Variants in PRIM2 observed in about 807,000 individuals in gnomAD.
The protein encoded by PRIM2 is DNA primase subunit 2, also known as DNA primase large subunit.
In PRIM2, 39 loss-of-function variants were observed where a neutral mutation model predicts 67.3. That is an observed-to-expected ratio of 0.58 (90% CI 0.45 to 0.76). The LOEUF (loss-of-function observed/expected upper bound fraction) is 0.76, where lower values mean the gene tolerates loss of function less well. Ranked by LOEUF, PRIM2 falls within the 30% of genes least tolerant of loss-of-function variation. The pLI is 0.00. For synonymous variants in PRIM2, 143 were observed against 198.7 expected, an observed-to-expected ratio of 0.72 and a Z score of 2.36; for missense variants, 398 against 598.7, an observed-to-expected ratio of 0.66 and a Z score of 3.50.
At chr6:57,412,107 C>A (rs1382393521) in intron 7 of PRIM2, among the ~76,000 whole-genome samples, 5 of 150,856 alleles carry the variant, frequency 3.3e-5, no homozygotes, top group Admixed American at 6.6e-5. Flanking sequence ...AAACACTAAG[C>A]CTTTTTGTAG....
At chr6:57,483,962 A>C (rs1773686717) in intron 7 of PRIM2, among the ~76,000 whole-genome samples, 1 of 152,232 alleles carries the variant, frequency 6.6e-6, no homozygotes, top group African/African-American at 2.4e-5. Context: ...TAAAAAAGGT[A>C]AATAAAGTGG....
intron 12 of PRIM2, among the ~76,000 whole-genome samples, chr6:57,614,572 T>C (rs1463351670): frequency 2.0e-5 from 3 of 152,160 alleles, no homozygotes; most frequent in Admixed American, 6.6e-5. Flanking sequence ...GTACGTTGGC[T>C]GGGTGTGGTG....
chr6:57,523,340 C>T (rs1774669677), intron 8 of PRIM2, among the ~76,000 whole-genome samples: 1 of 107,432 alleles, frequency 9.3e-6, no homozygotes, highest in South Asian at 2.8e-4. Flanking sequence ...TTTTGCATGA[C>T]TCTCGAATTC....
chr6:57,586,298 T>G (rs1457307167), intron 10 of PRIM2, among the ~76,000 whole-genome samples: 4 of 152,142 alleles, frequency 2.6e-5, no homozygotes, highest in Non-Finnish European at 5.9e-5. Flanking sequence ...GACCAAAGAA[T>G]AAACATTTCG....
rs1216332721 is a variant in PRIM2 at position 57,507,331 on chromosome 6, A to C, written c.694-56A>C. 6 of 1,250,422 alleles carry C rather than the reference A, an allele frequency of 4.8e-6. No homozygotes were observed. In the Admixed American group the frequency reaches 1.3e-4, roughly 28 times the overall value. 77.5% of individuals were successfully genotyped at this position (1,250,422 alleles called of 1,614,324 possible). ...CAGCTCGTTTTACATTTAGTATTCA[A>C]ATATGTTCGGTGTTCGGCCTTTGCT... is the stretch of plus-strand genomic sequence containing the variant. On this transcript the variant is annotated intron_variant, in intron 7 of 13. Coordinates refer to ENST00000615550, the MANE Select transcript of PRIM2 (RefSeq NM_000947.5).
chr6:57,529,947 G>T lies in PRIM2; in HGVS notation c.762-2464G>T, dbSNP rs1462367013. ...GGGACTCTCTGAAGAGTCTTGAGGT[G>T]GTGTAGGGTATCACATGGCGAGGGG... On this transcript the variant is annotated intron_variant, in intron 8 of 13. Coordinates refer to ENST00000615550, the MANE Select transcript of PRIM2 (RefSeq NM_000947.5). 5.7e-4 allele frequency among the ~76,000 whole-genome samples: 86 copies of T among 152,064 alleles called. 1 individual carries two copies. The highest frequency in any genetic ancestry group is 1.9e-3 in the African/African-American group (80 of 41,446).
intron 5 of PRIM2, among the ~76,000 whole-genome samples, chr6:57,347,681 T>C (rs1768724069): frequency 1.3e-5 from 2 of 152,246 alleles, no homozygotes; most frequent in African/African-American, 4.8e-5. Context: ...AGGCCTTAAG[T>C]GATCCTTGCA....
intron 7 of PRIM2, among the ~76,000 whole-genome samples, chr6:57,470,332 T>G (rs1178131091): frequency 2.0e-5 from 3 of 147,662 alleles, no homozygotes; most frequent in African/African-American, 7.5e-5. Flanking sequence ...GCTCTTCATT[T>G]AAATTCCACC....
chr6:57,614,661 T>C (rs1393893306), intron 12 of PRIM2, among the ~76,000 whole-genome samples: 1 of 152,152 alleles, frequency 6.6e-6, no homozygotes, highest in East Asian at 1.9e-4. Flanking sequence ...CCATCCTGGC[T>C]AACACGATGA....
intron 7 of PRIM2, among the ~76,000 whole-genome samples, chr6:57,405,112 A>C (rs1770839887): frequency 6.6e-6 from 1 of 151,726 alleles, no homozygotes. Flanking sequence ...AAGTATCAGC[A>C]GATTCAGTTG....
At chr6:57,321,234 C>A (rs1359387739) in intron 3 of PRIM2, among the ~76,000 whole-genome samples, 1 of 151,960 alleles carries the variant, frequency 6.6e-6, no homozygotes, top group Admixed American at 6.6e-5. Flanking sequence ...TAAATGACAC[C>A]CAGGTTTCTA....
chr6:57,355,233 G>T (rs1768991624), intron 5 of PRIM2, among the ~76,000 whole-genome samples: 1 of 151,782 alleles, frequency 6.6e-6, no homozygotes, highest in Non-Finnish European at 1.5e-5. Flanking sequence ...GAACTCGAGA[G>T]GCGGAGGTTG....
intron 7 of PRIM2, among the ~76,000 whole-genome samples, chr6:57,459,905 T>G (rs1008837892): frequency 2.0e-5 from 3 of 152,170 alleles, no homozygotes; most frequent in Non-Finnish European, 4.4e-5. Flanking sequence ...GTAGCCAAGC[T>G]GACACATAAA....
chr6:57,298,286 G>A, the PRIM2 span, among the ~76,000 whole-genome samples: 1 of 152,092 alleles, frequency 6.6e-6, no homozygotes, highest in Admixed American at 6.5e-5. Context: ...GCTTGAACCC[G>A]GGAGGTGGAG....
intron 10 of PRIM2, among the ~76,000 whole-genome samples, chr6:57,567,096 C>T (rs1447501760): frequency 6.6e-6 from 1 of 152,046 alleles, no homozygotes; most frequent in Non-Finnish European, 1.5e-5. Flanking sequence ...CATGGCTATA[C>T]CTTTACTTCT....
intron 12 of PRIM2, among the ~76,000 whole-genome samples, chr6:57,631,601 G>C (rs1582029270): frequency 1.3e-5 from 2 of 152,032 alleles, no homozygotes; most frequent in Admixed American, 6.5e-5. Context: ...TCTGACTGAA[G>C]GTAAAAGCAT....
At chr6:57,344,001 T>C (rs547405741) in intron 5 of PRIM2, among the ~76,000 whole-genome samples, 38 of 152,036 alleles carry the variant, frequency 2.5e-4, no homozygotes, top group Admixed American at 2.0e-3. Context: ...AGACGAAGGG[T>C]GGGGGATTTT....
rs2127503421 is a variant in PRIM2, at chr6:57,646,195, C to G, written c.*37C>G. 3 of 1,365,534 alleles carry G rather than the reference C, an allele frequency of 2.2e-6. No individual in the cohort carries two copies. In the East Asian group the frequency reaches 6.9e-5, roughly 31 times the overall value. The allele number at this position is 1,365,534 out of a possible 1,614,324, so 84.6% of individuals were successfully genotyped here. ...ACCCTTTTTCCTCAATAGCCTGTTT[C>G]CTGTTTTTAAGATTTTGCCTTTGTT... On this transcript the variant is annotated 3_prime_UTR_variant, in exon 14 of 14. Transcript: ENST00000615550.
chr6:57,357,969 A>G (rs1488868765), intron 5 of PRIM2, among the ~76,000 whole-genome samples: 6 of 152,264 alleles, frequency 3.9e-5, no homozygotes, highest in African/African-American at 1.4e-4. Context: ...CCTGAAAGCA[A>G]AGGACCCTGA....
Sources: gnomAD v4.1 joint callset for allele counts (sites outside exome capture counted in the v4.1 genomes callset) on GRCh38, gnomAD v4.1.1 for gene constraint, MANE v1.5 for transcripts, NCBI Gene and HGNC (gene_info 2026-07-23, HGNC 2026-07-21) for gene names.